The following FHIT variants were observed in gnomAD, a reference collection of about 807,000 sequenced individuals.
FHIT encodes bis(5'-adenosyl)-triphosphatase.
FHIT carries 19 observed loss-of-function variants against 17.9 expected under a neutral mutation model. That is an observed-to-expected ratio of 1.06 (90% CI 0.74 to 1.56). The LOEUF (loss-of-function observed/expected upper bound fraction) is 1.56, where lower values mean the gene tolerates loss of function less well. Among genes scored for constraint, FHIT ranks in the 40% most tolerant of loss-of-function variants. FHIT has a pLI of 0.00. For missense variants in FHIT, 248 were observed against 189.2 expected (o/e 1.31, Z -1.82); for synonymous variants, 81 against 69.7 (o/e 1.16, Z -0.81).
chr3:60,361,536 A>C (rs1390252748), intron 5 of FHIT, among the ~76,000 whole-genome samples: 5 of 152,232 alleles, frequency 3.3e-5, no homozygotes, highest in Non-Finnish European at 7.3e-5. Flanking sequence ...GCAAGTAAAC[A>C]AAGGATGGAT....
At chr3:60,232,545 C>T (rs1424964375) in intron 5 of FHIT, among the ~76,000 whole-genome samples, 1 of 152,008 alleles carries the variant, frequency 6.6e-6, no homozygotes, top group Non-Finnish European at 1.5e-5. Context: ...CTTAGTTTTC[C>T]CTTCCAACCC....
At chr3:60,309,700 A>C (rs759817738) in intron 5 of FHIT, among the ~76,000 whole-genome samples, 2 of 152,122 alleles carry the variant, frequency 1.3e-5, no homozygotes, top group East Asian at 3.9e-4. Context: ...TCTGCAAACC[A>C]TCTGAGATCC....
At chr3:60,254,773 G>A (rs1231093602) in intron 5 of FHIT, among the ~76,000 whole-genome samples, 3 of 151,934 alleles carry the variant, frequency 2.0e-5, no homozygotes, top group Non-Finnish European at 2.9e-5. Flanking sequence ...GAGACAGAAA[G>A]GACAGTAATC....
intron 8 of FHIT, among the ~76,000 whole-genome samples, chr3:59,877,745 T>A (rs1347140414): frequency 6.6e-6 from 1 of 152,228 alleles, no homozygotes; most frequent in African/African-American, 2.4e-5. Flanking sequence ...GAGATTCCTA[T>A]ATGATTTCTT....
chr3:60,248,259 T>C (rs1705506612), intron 5 of FHIT, among the ~76,000 whole-genome samples: 1 of 152,120 alleles, frequency 6.6e-6, no homozygotes, highest in Non-Finnish European at 1.5e-5. Flanking sequence ...TGATAACAAA[T>C]TTGTTTTCAG....
chr3:60,066,627 CA>C, intron 5 of FHIT, among the ~76,000 whole-genome samples: 4 of 90,488 alleles, frequency 4.4e-5, no homozygotes, highest in African/African-American at 1.1e-4. Flanking sequence ...TAATCCCTGA[CA>C]AATTTTTTTT....
At chr3:60,930,934 A>G (rs28884878) in intron 3 of FHIT, among the ~76,000 whole-genome samples, 1 of 152,174 alleles carries the variant, frequency 6.6e-6, no homozygotes, top group African/African-American at 2.4e-5. Flanking sequence ...TTGCGGCACT[A>G]TTTACAATAG....
intron 5 of FHIT, among the ~76,000 whole-genome samples, chr3:60,205,795 AACTT>A (rs1347783535): frequency 1.5e-4 from 23 of 152,114 alleles, no homozygotes; most frequent in African/African-American, 5.3e-4. Context: ...GTGTTTTTAA[AACTT>A]ACTTTATGTC....
intron 5 of FHIT, among the ~76,000 whole-genome samples, chr3:60,052,247 G>C (rs1701910038): frequency 6.6e-6 from 1 of 152,134 alleles, no homozygotes; most frequent in Admixed American, 6.5e-5. Flanking sequence ...ATTAATTCTA[G>C]CAGGAATCAG....
chr3:60,805,448 C>T (rs1435322895), intron 4 of FHIT, among the ~76,000 whole-genome samples: 1 of 152,136 alleles, frequency 6.6e-6, no homozygotes, highest in African/African-American at 2.4e-5. Context: ...TGCTTCCTCC[C>T]CTAGTATCTC....
chr3:60,666,944 T>G (rs1446478753), intron 4 of FHIT, among the ~76,000 whole-genome samples: 3 of 143,566 alleles, frequency 2.1e-5, no homozygotes, highest in African/African-American at 7.7e-5. Flanking sequence ...AACCTCTGCC[T>G]CCTGGGCTCA....
At chr3:60,912,705 C>T in intron 3 of FHIT, 2 of 506,564 alleles carry the variant, frequency 3.9e-6, no homozygotes, top group Admixed American at 4.1e-5. Context: ...ATCTATGTAA[C>T]AAGCTTTACT....
At chr3:59,800,649 G>A (rs1352824859) in intron 8 of FHIT, among the ~76,000 whole-genome samples, 2 of 152,198 alleles carry the variant, frequency 1.3e-5, no homozygotes, top group East Asian at 3.9e-4. Flanking sequence ...GCCAGCATGT[G>A]CACCCCTTTC....
chr3:60,554,533 C>T (rs747787555), intron 4 of FHIT, among the ~76,000 whole-genome samples: 3 of 152,268 alleles, frequency 2.0e-5, no homozygotes, highest in Non-Finnish European at 2.9e-5. Context: ...ATGTCAAAAG[C>T]TTGTATGGTA....
intron 4 of FHIT, among the ~76,000 whole-genome samples, chr3:60,808,853 T>A (rs915887658): frequency 6.6e-6 from 1 of 152,212 alleles, no homozygotes; most frequent in Admixed American, 6.5e-5. Context: ...AACTTCAGCA[T>A]GAGTAATTCT....
chr3:60,432,803 C>A lies in FHIT; in HGVS notation c.103+104057G>T, dbSNP rs539958729. Among the ~76,000 whole-genome samples the A allele has an allele frequency of 6.5e-4, 99 of 152,178 alleles. 1 individual carries two copies. The highest frequency in any genetic ancestry group is 2.2e-3 in the African/African-American group (93 of 41,550). ...TTTCTTGGATGTTGTCACCTATTAA[C>A]ATCAAATCACCTATACTTGTTTATA... On this transcript the variant is annotated intron_variant, in intron 5 of 9. Transcript: ENST00000492590.
At chr3:60,905,241 G>T (rs1194565548) in intron 3 of FHIT, among the ~76,000 whole-genome samples, 2 of 152,050 alleles carry the variant, frequency 1.3e-5, no homozygotes, top group African/African-American at 4.8e-5. Flanking sequence ...AAAGTACATT[G>T]AGATACTATT....
Position 60,680,430 on chromosome 3 carries a change from T to C in FHIT, c.-18+141489A>G, listed in dbSNP as rs571361377. Among the ~76,000 whole-genome samples the C allele has an allele frequency of 1.2e-3, 180 of 152,318 alleles. 1 individual carries two copies. Among genetic ancestry groups the C allele is most frequent in the Non-Finnish European group, 2.1e-3 (144 of 68,032 alleles). The stretch of plus-strand genomic sequence containing the variant: ...TGATTACTTGTTTGTATTAACTCTT[T>C]TTATATTTCATATTAATTTTCTACT... On this transcript the variant is annotated intron_variant, in intron 4 of 9. Transcript: ENST00000492590.
chr3:60,380,265 T>C (rs1394324938), intron 5 of FHIT, among the ~76,000 whole-genome samples: 1 of 152,096 alleles, frequency 6.6e-6, no homozygotes, highest in Non-Finnish European at 1.5e-5. Context: ...AGGCTGGCTG[T>C]TTAAAGAAGC....
Sources: gnomAD v4.1 joint callset for allele counts (sites outside exome capture counted in the v4.1 genomes callset) on GRCh38, gnomAD v4.1.1 for gene constraint, MANE v1.5 for transcripts, NCBI Gene and HGNC (gene_info 2026-07-23, HGNC 2026-07-21) for gene names.